The following FAM167A variants were observed in gnomAD, a reference collection of about 807,000 sequenced individuals.
FAM167A encodes the protein protein FAM167A.
FAM167A carries 23 observed loss-of-function variants against 14.9 expected under a neutral mutation model. The observed-to-expected ratio is 1.55, with a 90% CI of 1.11 to 2.19. The LOEUF is 2.19. Ranked by LOEUF, FAM167A falls within the 30% of genes most tolerant of loss-of-function variation. The pLI, the probability that FAM167A is intolerant of heterozygous loss-of-function variation, is 0.00. For synonymous variants in FAM167A, 174 were observed against 117.7 expected (o/e 1.48, Z -3.10); for missense variants, 401 against 281.5 (o/e 1.42, Z -3.04).
chr8:11,429,197 G>T (rs1805398173), intron 2 of FAM167A, among the ~76,000 whole-genome samples: 1 of 152,172 alleles, frequency 6.6e-6, no homozygotes, highest in African/African-American at 2.4e-5. Context: ...CCTCACAGAA[G>T]TAGAATCACA....
intron 1 of FAM167A, among the ~76,000 whole-genome samples, chr8:11,449,168 A>G (rs1414018526): frequency 2.0e-5 from 3 of 152,232 alleles, no homozygotes; most frequent in Non-Finnish European, 4.4e-5. Context: ...CCTGGTCGTC[A>G]GTGTTTGGGG....
intron 1 of FAM167A, among the ~76,000 whole-genome samples, chr8:11,475,563 A>G (rs1291693973): frequency 2.0e-5 from 3 of 152,014 alleles, no homozygotes; most frequent in Non-Finnish European, 4.4e-5. Context: ...CCTTTTACAC[A>G]TCATACTCCT....
chr8:11,425,668 A>ACC (rs112675578), intron 2 of FAM167A, among the ~76,000 whole-genome samples: 11 of 151,026 alleles, frequency 7.3e-5, no homozygotes, highest in African/African-American at 1.7e-4. Context: ...GCTTTGTTAT[A>ACC]CCCCCCCTTG....
chr8:11,449,636 C>T (rs561778221), intron 1 of FAM167A, among the ~76,000 whole-genome samples: 2 of 152,358 alleles, frequency 1.3e-5, no homozygotes, highest in African/African-American at 2.4e-5. Context: ...CCACCAGGCC[C>T]AGGCACGCCC....
At chr8:11,438,132 G>C (rs1231814420) in intron 2 of FAM167A, 1 of 456,516 alleles carries the variant, frequency 2.2e-6, no homozygotes, top group Non-Finnish European at 4.4e-6. Context: ...GGCCGGTAGT[G>C]CTGAATGGAC....
intron 2 of FAM167A, among the ~76,000 whole-genome samples, chr8:11,429,656 C>A (rs1210511385): frequency 1.3e-5 from 2 of 152,210 alleles, no homozygotes; most frequent in African/African-American, 4.8e-5. Context: ...CACACTCGGG[C>A]CTGTCAGCAC....
At chr8:11,439,479 C>CA (rs1806290977) in intron 2 of FAM167A, among the ~76,000 whole-genome samples, 1 of 152,280 alleles carries the variant, frequency 6.6e-6, no homozygotes, top group Non-Finnish European at 1.5e-5. Context: ...CTCGAAGCCA[C>CA]GCTGTGGCCA....
chr8:11,423,988 C>CGTATCA lies in FAM167A; in HGVS notation c.*384_*385insTGATAC. ...TCCCCCAAGGCCCTTGCGGGACAGCCTTCTGCAAAAATGACAGCTTTGTTG... is the reference window on the plus strand; with the variant it reads ...TCCCCCAAGGCCCTTGCGGGACAGCCGTATCATTCTGCAAAAATGACAGCTTTGTTG... On this transcript the variant is annotated 3_prime_UTR_variant, in exon 3 of 3. Coordinates refer to ENST00000284486, the MANE Select transcript of FAM167A (RefSeq NM_053279.3). 4.4e-6 allele frequency: 1 copy of CGTATCA among 226,172 alleles called. No homozygotes were observed. The allele number at this position is 226,172 out of a possible 1,614,324, so 14.0% of individuals were successfully genotyped here.
chr8:11,463,528 G>A (rs989428343), intron 1 of FAM167A, among the ~76,000 whole-genome samples: 14 of 152,296 alleles, frequency 9.2e-5, no homozygotes, highest in East Asian at 7.7e-4. Context: ...CCCAGCCTTC[G>A]AGAAGGCCTG....
At chr8:11,442,823 G>C (rs796545319) in intron 2 of FAM167A, among the ~76,000 whole-genome samples, 1 of 152,132 alleles carries the variant, frequency 6.6e-6, no homozygotes, top group Non-Finnish European at 1.5e-5. Flanking sequence ...TAATAGAATG[G>C]TGTGTTCTGA....
intron 1 of FAM167A, among the ~76,000 whole-genome samples, chr8:11,447,785 G>A (rs1304401154): frequency 6.6e-6 from 1 of 152,226 alleles, no homozygotes; most frequent in Non-Finnish European, 1.5e-5. Context: ...CTGGCACATT[G>A]CTTCATGACC....
chr8:11,435,193 C>A (rs1805923634), intron 2 of FAM167A: 3 of 451,832 alleles, frequency 6.6e-6, no homozygotes, highest in Admixed American at 4.7e-5. Flanking sequence ...CACTGAGGTT[C>A]TGTCCCCTCC....
chr8:11,441,071 C>A (rs139806516), intron 2 of FAM167A, among the ~76,000 whole-genome samples: 1 of 152,240 alleles, frequency 6.6e-6, no homozygotes, highest in South Asian at 2.1e-4. Flanking sequence ...TGCCTGCCTA[C>A]CTGCCAGCCA....
At chr8:11,453,147 C>T (rs970862986) in intron 1 of FAM167A, among the ~76,000 whole-genome samples, 2 of 152,174 alleles carry the variant, frequency 1.3e-5, no homozygotes, top group Non-Finnish European at 2.9e-5. Flanking sequence ...AAATGCAACT[C>T]GAATCCTGCC....
chr8:11,435,161 C>A (rs1805921131), intron 2 of FAM167A: 1 of 456,116 alleles, frequency 2.2e-6, no homozygotes, highest in African/African-American at 2.0e-5. Flanking sequence ...ACTCTGATGC[C>A]CTTGCCCCCA....
intron 2 of FAM167A, chr8:11,438,430 T>C (rs945833453): frequency 4.4e-6 from 2 of 455,392 alleles, no homozygotes; most frequent in Admixed American, 2.4e-5. Flanking sequence ...TTTTATTTTA[T>C]TCTAGGAGAT....
chr8:11,453,765 G>C (rs112151007), intron 1 of FAM167A, among the ~76,000 whole-genome samples: 1 of 151,682 alleles, frequency 6.6e-6, no homozygotes, highest in Non-Finnish European at 1.5e-5. Flanking sequence ...GTCCTATGAC[G>C]CTGGCCACTC....
chr8:11,473,556 T>C (rs748443225), intron 1 of FAM167A, among the ~76,000 whole-genome samples: 1 of 152,182 alleles, frequency 6.6e-6, no homozygotes, highest in African/African-American at 2.4e-5. Flanking sequence ...CACTGCCACG[T>C]AGATGTTCAA....
rs117716500 is a variant in FAM167A, at chr8:11,423,015, A to T, written c.*1358T>A. 9.2e-5 allele frequency: 14 copies of T among 152,776 alleles called. No homozygotes were observed. Among genetic ancestry groups the T allele is most frequent in the Non-Finnish European group, 2.1e-4 (14 of 68,034 alleles). 9.5% of individuals were successfully genotyped at this position (152,776 alleles called of 1,614,324 possible). A position where few individuals can be genotyped will look rare whatever the true frequency, so the allele number is the denominator to read the frequency against. On this transcript the variant is annotated 3_prime_UTR_variant, in exon 3 of 3. Transcript: ENST00000284486. ...GTTCAAGTTCATTGACATGTGATCTACTAGGCATTATCAATAATGGTTTCA... is the reference window on the plus strand; with the variant it reads ...GTTCAAGTTCATTGACATGTGATCTTCTAGGCATTATCAATAATGGTTTCA...
Sources: gnomAD v4.1 joint callset for allele counts (sites outside exome capture counted in the v4.1 genomes callset) on GRCh38, gnomAD v4.1.1 for gene constraint, MANE v1.5 for transcripts, NCBI Gene and HGNC (gene_info 2026-07-23, HGNC 2026-07-21) for gene names.